EYA4: variants seen among roughly 807,000 people sequenced by gnomAD.
EYA4 encodes the protein EYA transcriptional coactivator and phosphatase 4.
Under a neutral mutation model 87.9 loss-of-function variants are expected in EYA4, and 31 were observed. The ratio of observed to expected loss-of-function variants is 0.35; its 90% CI spans 0.27 to 0.48. The LOEUF is 0.48. Ranked by LOEUF, EYA4 falls within the 20% of genes least tolerant of loss-of-function variation. EYA4 has a pLI of 0.99. For missense variants in EYA4, 678 were observed against 761.4 expected, an observed-to-expected ratio of 0.89 and a Z score of 1.29; for synonymous variants, 263 against 270.6, an observed-to-expected ratio of 0.97 and a Z score of 0.28.
At chr6:133,375,994 C>T (rs1699970027) in intron 2 of EYA4, among the ~76,000 whole-genome samples, 1 of 151,742 alleles carries the variant, frequency 6.6e-6, no homozygotes, top group Admixed American at 6.6e-5. Context: ...TGATATACTA[C>T]AGTTTTTTGA....
At chr6:133,356,172 G>C (rs1784017067) in intron 2 of EYA4, among the ~76,000 whole-genome samples, 1 of 151,990 alleles carries the variant, frequency 6.6e-6, no homozygotes, top group African/African-American at 2.4e-5. Flanking sequence ...CGTCATATAA[G>C]CCTAATTATC....
chr6:133,279,576 A>G (rs1251216850), intron 2 of EYA4, among the ~76,000 whole-genome samples: 1 of 152,142 alleles, frequency 6.6e-6, no homozygotes, highest in Admixed American at 6.6e-5. Context: ...ATTTGTAGAT[A>G]TGAATTGTAT....
chr6:133,417,481 A>G (rs1401336052), intron 3 of EYA4, among the ~76,000 whole-genome samples: 1 of 152,146 alleles, frequency 6.6e-6, no homozygotes, highest in African/African-American at 2.4e-5. Flanking sequence ...AGAAAAGGTG[A>G]ATATGACATA....
At chr6:133,432,740 C>A (rs1400789798) in intron 3 of EYA4, among the ~76,000 whole-genome samples, 7 of 151,994 alleles carry the variant, frequency 4.6e-5, no homozygotes, top group Non-Finnish European at 8.8e-5. Context: ...GGACTTATCA[C>A]AGGGCCCTCT....
At chr6:133,528,559 A>C (rs1165622547) in intron 19 of EYA4, among the ~76,000 whole-genome samples, 166 bp from the exon 20 acceptor site, 1 of 152,194 alleles carries the variant, frequency 6.6e-6, no homozygotes, top group Non-Finnish European at 1.5e-5. Context: ...GGTGCTGCCA[A>C]GCCTTCACAT....
chr6:133,401,971 G>T (rs1788304577), intron 3 of EYA4, among the ~76,000 whole-genome samples: 1 of 152,074 alleles, frequency 6.6e-6, no homozygotes, highest in Admixed American at 6.6e-5. Flanking sequence ...CTCTTTTTCT[G>T]TTCTTTGAGC....
intron 1 of EYA4, among the ~76,000 whole-genome samples, chr6:133,268,231 A>G (rs1362644435): frequency 2.0e-5 from 3 of 152,204 alleles, no homozygotes; most frequent in Non-Finnish European, 4.4e-5. Flanking sequence ...AAGTGTATAT[A>G]TAGTCACATT....
At chr6:133,468,373 A>G (rs905989565) in intron 10 of EYA4, among the ~76,000 whole-genome samples, 193 bp from the exon 11 acceptor site, 1 of 152,216 alleles carries the variant, frequency 6.6e-6, no homozygotes, top group South Asian at 2.1e-4. Context: ...ACAATAGGGT[A>G]TTTCACTACT....
chr6:133,320,480 G>GTTT (rs66590855), intron 2 of EYA4, among the ~76,000 whole-genome samples: 1 of 149,434 alleles, frequency 6.7e-6, no homozygotes, highest in Non-Finnish European at 1.5e-5. Context: ...TATTTTACTT[G>GTTT]TTTTTTTTTC....
chr6:133,279,149 G>C (rs1777422008), intron 2 of EYA4, among the ~76,000 whole-genome samples: 1 of 152,018 alleles, frequency 6.6e-6, no homozygotes, highest in Non-Finnish European at 1.5e-5. Flanking sequence ...CTAAATTAAT[G>C]ATCAAGCCAG....
At chr6:133,334,084 T>C (rs942822356) in intron 2 of EYA4, among the ~76,000 whole-genome samples, 2 of 152,246 alleles carry the variant, frequency 1.3e-5, no homozygotes, top group Non-Finnish European at 2.9e-5. Context: ...AGCCTCCTTA[T>C]AGTTCTCCAG....
chr6:133,271,811 G>A (rs1048122226), intron 1 of EYA4, among the ~76,000 whole-genome samples: 2 of 152,190 alleles, frequency 1.3e-5, no homozygotes, highest in Non-Finnish European at 2.9e-5. Flanking sequence ...GCTGAGTGGT[G>A]TCCACAGAAT....
At chr6:133,278,174 A>G (rs1459874889) in intron 2 of EYA4, among the ~76,000 whole-genome samples, 1 of 151,968 alleles carries the variant, frequency 6.6e-6, no homozygotes, top group Non-Finnish European at 1.5e-5. Context: ...TGCATTTGCA[A>G]GTGCTTTAAT....
chr6:133,387,834 G>T (rs1786885432), intron 3 of EYA4, among the ~76,000 whole-genome samples: 1 of 152,094 alleles, frequency 6.6e-6, no homozygotes, highest in African/African-American at 2.4e-5. Context: ...GCCTCATGTG[G>T]ATGCTTCTCT....
In EYA4 at chr6:133,456,577, C is replaced by G; in HGVS notation, c.299C>G (p.Thr100Arg). The G allele has an allele frequency of 6.2e-7, 1 of 1,612,998 alleles. No individual in the cohort carries two copies. Among genetic ancestry groups the G allele is most frequent in the Non-Finnish European group, 8.5e-7 (1 of 1,179,014 alleles). ...SATMSLLAVK[T>R]EPLNSSETTA... ...GTAGTGTCTCTTCTTGCAGTCAAAA[C>G]AGAGCCCTTGAACAGCAGTGAAACC... is the stretch of plus-strand genomic sequence containing the variant. The change falls in exon 6 of 20, where the codon ACA becomes AGA. Residue 100 changes from threonine (T) to arginine (R), a missense_variant. Transcript: ENST00000355286.
At chr6:133,483,326 C>A (rs540245835) in intron 13 of EYA4, among the ~76,000 whole-genome samples, 192 of 152,120 alleles carry the variant, frequency 1.3e-3, no homozygotes, top group African/African-American at 4.5e-3. Flanking sequence ...CTTGCTATTT[C>A]TTCAAAAGGA....
At chr6:133,292,042 A>C (rs1778531187) in intron 2 of EYA4, among the ~76,000 whole-genome samples, 1 of 152,180 alleles carries the variant, frequency 6.6e-6, no homozygotes, top group Non-Finnish European at 1.5e-5. Flanking sequence ...TGTGACTGAA[A>C]ATCTTTGTGA....
In EYA4 at chr6:133,300,276, C is replaced by T. The variant is rs1325335842; in HGVS notation, c.33+25463C>T. Among the ~76,000 whole-genome samples the T allele has an allele frequency of 2.0e-5, 3 of 151,558 alleles. No individual in the cohort carries two copies. The East Asian group carries it at 5.8e-4, about 29-fold the overall frequency. The stretch of plus-strand genomic sequence containing the variant: ...GGGGATGGCAGAGATGAAAGAAAAT[C>T]CACAAGTGAGTGGACCCACACAATT... On this transcript the variant is annotated intron_variant, in intron 2 of 19. Coordinates refer to ENST00000355286, the MANE Select transcript of EYA4 (RefSeq NM_004100.5).
intron 3 of EYA4, among the ~76,000 whole-genome samples, chr6:133,445,872 G>T (rs111400024): frequency 2.6e-5 from 4 of 152,306 alleles, no homozygotes; most frequent in Middle Eastern, 3.4e-3. Flanking sequence ...GAGCCACCGC[G>T]CCCGGCCTCT....
Sources: allele counts gnomAD v4.1 joint callset (sites outside exome capture counted in the v4.1 genomes callset), GRCh38; gene constraint gnomAD v4.1.1; transcripts MANE v1.5; gene names NCBI Gene and HGNC (gene_info 2026-07-23, HGNC 2026-07-21).